Variants in POT1 observed in about 807,000 individuals in gnomAD.
POT1 encodes the protein protection of telomeres 1, also known as protection of telomeres protein 1.
POT1 carries 47 observed loss-of-function variants against 78.5 expected under a neutral mutation model. The ratio of observed to expected loss-of-function variants is 0.60; its 90% CI spans 0.47 to 0.76. The LOEUF is 0.76. Among genes scored for constraint, POT1 ranks in the 30% least tolerant of loss-of-function variants. POT1 has a pLI of 0.00. For missense variants in POT1, 646 were observed against 749.9 expected (o/e 0.86, Z 1.62); for synonymous variants, 259 against 260.7 (o/e 0.99, Z 0.06).
chr7:124,907,261 G>A lies in POT1; in HGVS notation c.-154+8313C>T, dbSNP rs886095701. On this transcript the variant is annotated intron_variant, in intron 3 of 18. Transcript: ENST00000357628. ...TGTGTCTGTACTACCTGTCATCCCTGTCACATTGCCTTACAAAGAGTGAGC... is the reference window on the plus strand; with the variant it reads ...TGTGTCTGTACTACCTGTCATCCCTATCACATTGCCTTACAAAGAGTGAGC... 4.6e-5 allele frequency among the ~76,000 whole-genome samples: 7 copies of A among 152,190 alleles called. No individual in the cohort carries two copies. The South Asian group carries it at 6.2e-4, about 14-fold the overall frequency.
rs1162629754 is a variant in POT1 at position 124,863,463 on chromosome 7, A to G, written c.433T>C (p.Ser145Pro). The G allele has an allele frequency of 6.2e-7, 1 of 1,614,048 alleles. No homozygotes were observed. Among genetic ancestry groups the G allele is most frequent in the East Asian group, 2.2e-5 (1 of 44,866 alleles). Residue 145 changes from serine to proline, a missense_variant, in exon 8 of 19, where the codon TCA becomes CCA. Ser to Pro is a moderately conservative substitution (Grantham distance 74, BLOSUM62 -1). Around this residue, in one of 2 missense-constraint regions of POT1, gnomAD observed 252 missense variants for 341.4 expected, o/e 0.74. Transcript: ENST00000357628. ...ALRVWASTHM[S>P]PSWTLLKLCD... ...AATTTTAGTAATGTCCAAGACGGTG[A>G]CATATGAGTAGATGCCCAAACACGT...
intron 3 of POT1, among the ~76,000 whole-genome samples, chr7:124,903,092 C>T (rs904905948): frequency 2.0e-5 from 3 of 152,096 alleles, no homozygotes; most frequent in Non-Finnish European, 2.9e-5. Flanking sequence ...TTTAACACCC[C>T]ACTGTCAACA....
At chr7:124,836,885 A>G (rs1483408242) in intron 14 of POT1, among the ~76,000 whole-genome samples, 1 of 152,228 alleles carries the variant, frequency 6.6e-6, no homozygotes, top group African/African-American at 2.4e-5. Context: ...TGTGTTTGCT[A>G]CATTGCCACT....
intron 17 of POT1, 52 bp from the exon 18 acceptor site, chr7:124,825,409 T>G: frequency 9.0e-7 from 1 of 1,113,380 alleles, no homozygotes; most frequent in Non-Finnish European, 1.3e-6. Flanking sequence ...TAATCCTTTT[T>G]AATGTTATTA....
At chr7:124,870,019 G>C (rs1482263495) in intron 7 of POT1, among the ~76,000 whole-genome samples, 1 of 152,076 alleles carries the variant, frequency 6.6e-6, no homozygotes, top group Non-Finnish European at 1.5e-5. Context: ...TTTATGAGCA[G>C]CAGACTGACC....
intron 9 of POT1, 33 bp downstream of exon 9, chr7:124,858,923 AC>A: frequency 6.6e-7 from 1 of 1,513,316 alleles, no homozygotes. Context: ...ATTTATAAAA[AC>A]ATAAAATAAC....
At chr7:124,855,060 T>C (rs1165380345) in intron 9 of POT1, among the ~76,000 whole-genome samples, 2 of 151,536 alleles carry the variant, frequency 1.3e-5, no homozygotes, top group African/African-American at 2.4e-5. Context: ...TCATGGAATC[T>C]GAAAAGCTAA....
At chr7:124,841,253 A>C in intron 13 of POT1, 75 bp from the exon 14 acceptor site, 2 of 1,188,432 alleles carry the variant, frequency 1.7e-6, no homozygotes, top group Non-Finnish European at 2.4e-6. Flanking sequence ...ACAAGTTATC[A>C]AATTAAAAAG....
intron 9 of POT1, 89 bp downstream of exon 9, chr7:124,858,868 C>G: frequency 8.1e-6 from 7 of 861,250 alleles, no homozygotes; most frequent in Non-Finnish European, 8.8e-6. Context: ...ATCACCTATA[C>G]ATGTAACCAT....
chr7:124,881,548 T>G (rs1796118599), intron 6 of POT1, among the ~76,000 whole-genome samples: 1 of 152,002 alleles, frequency 6.6e-6, no homozygotes. Flanking sequence ...TCAATTAGCA[T>G]TAGATTCATG....
chr7:124,858,894 A>G (rs1246854871), intron 9 of POT1, 63 bp downstream of exon 9: 5 of 1,296,982 alleles, frequency 3.9e-6, no homozygotes, highest in Non-Finnish European at 5.3e-6. Flanking sequence ...AAAAATTTAC[A>G]TGAGCAAAAA....
intron 2 of POT1, among the ~76,000 whole-genome samples, chr7:124,918,827 C>G (rs1797078907): frequency 6.6e-6 from 1 of 151,982 alleles, no homozygotes; most frequent in Non-Finnish European, 1.5e-5. Flanking sequence ...GAATAGCTGC[C>G]CTATATAAAC....
chr7:124,877,863 A>AAAAAAAAAAAAAAAAAAAAAAAAAAC (rs1796028425), intron 6 of POT1, among the ~76,000 whole-genome samples: 1 of 134,424 alleles, frequency 7.4e-6, no homozygotes, highest in Non-Finnish European at 1.6e-5. Flanking sequence ...AAAAAAAAAA[A>AAAAAAAAAAAAAAAAAAAAAAAAAAC]AAAAAAGAGT....
At chr7:124,881,092 C>G (rs7796015) in intron 6 of POT1, among the ~76,000 whole-genome samples, 6 of 151,714 alleles carry the variant, frequency 4.0e-5, no homozygotes, top group African/African-American at 1.5e-4. Context: ...GATGGGGATA[C>G]GTTCTAAGAG....
intron 3 of POT1, among the ~76,000 whole-genome samples, chr7:124,904,585 C>G (rs1796711970): frequency 6.6e-6 from 1 of 152,112 alleles, no homozygotes; most frequent in Non-Finnish European, 1.5e-5. Flanking sequence ...AAAACTGGCA[C>G]AAGACAGGGA....
At chr7:124,921,411 G>A (rs1797145863) in intron 2 of POT1, among the ~76,000 whole-genome samples, 2 of 152,026 alleles carry the variant, frequency 1.3e-5, no homozygotes, top group African/African-American at 4.8e-5. Flanking sequence ...ATGCAATTAA[G>A]TAGAAAAGAC....
chr7:124,928,763 A>T (rs1797337428), intron 2 of POT1, 52 bp downstream of exon 2: 1 of 152,664 alleles, frequency 6.6e-6, no homozygotes, highest in South Asian at 2.1e-4. Context: ...AACACTTAAA[A>T]ACTGCATTCC....
intron 6 of POT1, among the ~76,000 whole-genome samples, chr7:124,875,338 A>C (rs999326640): frequency 6.6e-6 from 1 of 152,152 alleles, no homozygotes; most frequent in African/African-American, 2.4e-5. Context: ...TAAAAAGACT[A>C]ATTTTTAAAA....
At chr7:124,923,612 G>C (rs1019973506) in intron 2 of POT1, among the ~76,000 whole-genome samples, 5 of 151,676 alleles carry the variant, frequency 3.3e-5, no homozygotes, top group Admixed American at 1.3e-4. Context: ...CCTATTTAAG[G>C]AAATAATCAA....
Sources: gnomAD v4.1 joint callset for allele counts (sites outside exome capture counted in the v4.1 genomes callset) on GRCh38, gnomAD v4.1.1 for gene constraint, gnomAD v4.1.1 regional missense constraint, MANE v1.5 for transcripts, NCBI Gene and HGNC (gene_info 2026-07-23, HGNC 2026-07-21) for gene names.